Variants in PRMT3 observed in about 807,000 individuals in gnomAD.
The protein encoded by PRMT3 is protein arginine N-methyltransferase 3.
A neutral mutation model predicts 71.9 loss-of-function variants in PRMT3; 62 were observed. That is an observed-to-expected ratio of 0.86 (90% CI 0.70 to 1.07). The LOEUF is 1.07. Ranked by LOEUF, PRMT3 falls within the 50% of genes least tolerant of loss-of-function variation. PRMT3 has a pLI of 0.00. For synonymous variants in PRMT3, 213 were observed against 220.4 expected (o/e 0.97, Z 0.30); for missense variants, 663 against 643.0 (o/e 1.03, Z -0.34).
intron 7 of PRMT3, among the ~76,000 whole-genome samples, chr11:20,399,742 C>T (rs910457130): frequency 2.0e-5 from 3 of 152,122 alleles, no homozygotes; most frequent in African/African-American, 7.2e-5. Flanking sequence ...TGAGTACTTA[C>T]CATTTACAAA....
chr11:20,473,456 C>T (rs1199433155), intron 13 of PRMT3, among the ~76,000 whole-genome samples: 1 of 152,110 alleles, frequency 6.6e-6, no homozygotes, highest in African/African-American at 2.4e-5. Context: ...TTTCAAAGAA[C>T]TCCTTGATTT....
intron 15 of PRMT3, among the ~76,000 whole-genome samples, chr11:20,498,102 A>G (rs1851374272): frequency 6.6e-6 from 1 of 152,270 alleles, no homozygotes; most frequent in African/African-American, 2.4e-5. Context: ...TTGAATACAT[A>G]GCAATAAAAT....
intron 7 of PRMT3, 66 bp downstream of exon 7, chr11:20,397,787 TATA>T: frequency 6.4e-7 from 1 of 1,552,372 alleles, no homozygotes; most frequent in East Asian, 2.3e-5. Flanking sequence ...TCTTTCTTAA[TATA>T]TGTGTGCACT....
intron 10 of PRMT3, among the ~76,000 whole-genome samples, chr11:20,436,317 G>T (rs11025564): frequency 0.046 from 6,931 of 152,222 alleles, 268 homozygotes; most frequent in East Asian, 0.2. Flanking sequence ...GCTCTGGCTA[G>T]TATTATGTTG....
intron 6 of PRMT3, among the ~76,000 whole-genome samples, chr11:20,396,635 C>T (rs942861003): frequency 1.3e-4 from 20 of 151,116 alleles, no homozygotes; most frequent in Admixed American, 6.6e-4. Context: ...AAGACTTTGT[C>T]GGGGTGGGGT....
Position 20,387,960 on chromosome 11 carries a change from C to T in PRMT3, c.29-59C>T. On this transcript the variant is annotated intron_variant, in intron 1 of 15. Coordinates refer to ENST00000331079, the MANE Select transcript of PRMT3 (RefSeq NM_005788.4). The surrounding 1 kb of genome is among the most constrained non-coding windows in gnomAD (Gnocchi z 4.3). ...GGAGAGCCCATCGTCACCTGCTCCT[C>T]GAGCCCCCGGGCCGCACCGGTGTCC... The T allele has an allele frequency of 6.2e-7, 1 of 1,608,698 alleles. No homozygotes were observed. The highest frequency in any genetic ancestry group is 8.5e-7 in the Non-Finnish European group (1 of 1,177,216).
intron 10 of PRMT3, among the ~76,000 whole-genome samples, chr11:20,433,737 C>T (rs1357549846): frequency 2.0e-5 from 3 of 152,212 alleles, no homozygotes; most frequent in Admixed American, 6.5e-5. Flanking sequence ...TCTCCAACCT[C>T]GGCCTCCAGA....
chr11:20,439,649 A>C (rs1480253188), intron 10 of PRMT3, among the ~76,000 whole-genome samples: 3 of 152,178 alleles, frequency 2.0e-5, no homozygotes, highest in African/African-American at 7.2e-5. Context: ...GAAATACTGT[A>C]AGTAAGTGGA....
intron 9 of PRMT3, among the ~76,000 whole-genome samples, chr11:20,424,577 A>G (rs564844759): frequency 6.7e-6 from 1 of 150,216 alleles, no homozygotes; most frequent in East Asian, 1.9e-4. Context: ...AACTGAAAAC[A>G]TTTTAGGAGA....
intron 6 of PRMT3, among the ~76,000 whole-genome samples, chr11:20,397,202 A>G (rs921013031): frequency 6.6e-6 from 1 of 152,188 alleles, no homozygotes; most frequent in African/African-American, 2.4e-5. Context: ...AAGAAATAAT[A>G]TGGTTTTAAA....
intron 10 of PRMT3, among the ~76,000 whole-genome samples, chr11:20,436,751 T>A (rs544920587): frequency 1.3e-5 from 2 of 152,208 alleles, no homozygotes; most frequent in Admixed American, 6.5e-5. Flanking sequence ...TTTTTTTTTT[T>A]AATAGTGTCT....
intron 5 of PRMT3, 49 bp downstream of exon 5, chr11:20,393,048 T>TC (rs1337563172): frequency 1.2e-5 from 15 of 1,207,470 alleles, no homozygotes; most frequent in Non-Finnish European, 1.8e-5. Context: ...AGGCCGTTTG[T>TC]TAACGGCAAA....
At chr11:20,398,609 C>T (rs981391589) in intron 7 of PRMT3, among the ~76,000 whole-genome samples, 4 of 152,102 alleles carry the variant, frequency 2.6e-5, no homozygotes, top group African/African-American at 7.2e-5. Flanking sequence ...CCCGCCACGG[C>T]GCCTGGCTAA....
At chr11:20,479,312 G>A (rs1850871842) in intron 13 of PRMT3, among the ~76,000 whole-genome samples, 1 of 152,178 alleles carries the variant, frequency 6.6e-6, no homozygotes, top group Non-Finnish European at 1.5e-5. Context: ...GGAGCTGAGA[G>A]GTATTGGGAA....
chr11:20,443,470 G>C (rs1340324564), intron 10 of PRMT3, among the ~76,000 whole-genome samples: 1 of 152,182 alleles, frequency 6.6e-6, no homozygotes, highest in African/African-American at 2.4e-5. Flanking sequence ...AGAATTACAA[G>C]AAGCCAAACT....
chr11:20,486,564 C>T (rs1851077013), intron 13 of PRMT3, among the ~76,000 whole-genome samples: 1 of 152,040 alleles, frequency 6.6e-6, no homozygotes, highest in Non-Finnish European at 1.5e-5. Flanking sequence ...CTTTGTACAC[C>T]TACCTAATAC....
chr11:20,420,586 G>A (rs79190141), intron 9 of PRMT3, among the ~76,000 whole-genome samples: 5,692 of 152,244 alleles, frequency 0.037, 246 homozygotes, highest in Admixed American at 0.12. Context: ...GATCTAGGTC[G>A]TGCATTCCTT....
intron 10 of PRMT3, among the ~76,000 whole-genome samples, chr11:20,434,718 G>A (rs981550235): frequency 2.0e-5 from 3 of 152,070 alleles, no homozygotes; most frequent in South Asian, 4.1e-4. Flanking sequence ...TTCTGGGTCC[G>A]CTGTTCTGTT....
At chr11:20,464,308 C>A in intron 12 of PRMT3, 152 bp from the exon 13 acceptor site, 1 of 1,023,976 alleles carries the variant, frequency 9.8e-7, no homozygotes, top group Non-Finnish European at 1.4e-6. Flanking sequence ...CAAAAATTAG[C>A]ATGTGAGTAA....
Sources: gnomAD v4.1 joint callset for allele counts (sites outside exome capture counted in the v4.1 genomes callset) on GRCh38, gnomAD v4.1.1 for gene constraint, Gnocchi (gnomAD v3.1) non-coding constraint, MANE v1.5 for transcripts, NCBI Gene and HGNC (gene_info 2026-07-23, HGNC 2026-07-21) for gene names.